Variants in MSN observed in about 807,000 individuals in gnomAD.
MSN encodes the protein moesin.
In MSN, 2 loss-of-function variants were observed where a neutral mutation model predicts 48.0. The ratio of observed to expected loss-of-function variants is 0.04; its 90% CI spans 0.02 to 0.13. The LOEUF (loss-of-function observed/expected upper bound fraction) is 0.13. Ranked by LOEUF, MSN falls within the 10% of genes least tolerant of loss-of-function variation. The pLI is 1.00. For missense variants in MSN, 267 were observed against 470.1 expected, an observed-to-expected ratio of 0.57 and a Z score of 3.99; for synonymous variants, 146 against 166.9, an observed-to-expected ratio of 0.87 and a Z score of 0.97.
chrX:65,600,214 T>C (rs753073212), intron 1 of MSN, among the ~76,000 whole-genome samples: 4 of 111,181 alleles, frequency 3.6e-5, no homozygotes, highest in Admixed American at 1.9e-4. Flanking sequence ...TAGCTTATGA[T>C]TGGAGTGTGT....
rs1177485885 is a variant in MSN, at chrX:65,739,104, C to T, written c.1479C>T (p.Asp493=). ...AGAATGGGGCAGAGGCTAGTGCTGACCTACGGGCTGATGCTATGGCCAAGG... is the reference window on the plus strand; with the variant it reads ...AGAATGGGGCAGAGGCTAGTGCTGATCTACGGGCTGATGCTATGGCCAAGG... The part of the protein sequence containing the change: ...QDENGAEASA[D]LRADAMAKDR... The change falls in exon 12 of 13, where the codon GAC becomes GAT. Residue 493 remains aspartate, a synonymous_variant. Transcript: ENST00000360270. The T allele has an allele frequency of 8.3e-7, 1 of 1,211,759 alleles. No homozygotes were observed. The highest frequency in any genetic ancestry group is 1.8e-5 in the South Asian group (1 of 56,918).
rs779992508 is a variant in MSN at position 65,677,919 on chromosome X, G to A, written c.12+10066G>A. Among the ~76,000 whole-genome samples the A allele has an allele frequency of 5.4e-5, 6 of 111,403 alleles. No homozygotes were observed. The South Asian group carries it at 2.3e-3, about 42-fold the overall frequency. The stretch of plus-strand genomic sequence containing the variant: ...GTTACACTACATCTTTCTACTTTGA[G>A]TGCTTGAAGAGTTGCTCCAGCAGGG... On this transcript the variant is annotated intron_variant, in intron 1 of 12. Coordinates refer to ENST00000360270, the MANE Select transcript of MSN (RefSeq NM_002444.3).
intron 10 of MSN, 81 bp from the exon 11 acceptor site, chrX:65,738,444 C>T: frequency 1.2e-6 from 1 of 854,208 alleles, no homozygotes; most frequent in Non-Finnish European, 1.7e-6. Flanking sequence ...CTTACTAGTC[C>T]CCCAGGGGAC....
chrX:65,681,409 G>A (rs1383285567), intron 1 of MSN, among the ~76,000 whole-genome samples: 1 of 111,867 alleles, frequency 8.9e-6, no homozygotes, highest in African/African-American at 3.3e-5. Context: ...CCTTTGAGGA[G>A]CATTTGGTCA....
At chrX:65,690,004 T>C (rs1212362155) in intron 1 of MSN, among the ~76,000 whole-genome samples, 1 of 111,694 alleles carries the variant, frequency 9.0e-6, no homozygotes, top group Non-Finnish European at 1.9e-5. Context: ...TGGAGCCATC[T>C]AGGCTCCCTG....
At chrX:65,731,272 C>A in intron 5 of MSN, 82 bp downstream of exon 5, 2 of 800,578 alleles carry the variant, frequency 2.5e-6, no homozygotes, top group Non-Finnish European at 1.8e-6. Context: ...AGACTGATGA[C>A]AAGGGACATT....
In MSN at chrX:65,699,399, C is replaced by T. The variant is rs540296488; in HGVS notation, c.13-17419C>T. On this transcript the variant is annotated intron_variant, in intron 1 of 12. Transcript: ENST00000360270. The stretch of plus-strand genomic sequence containing the variant: ...TATTCTCCTTTCCCAAAGACAGCCT[C>T]TTTTGTAGCATCCTAAGACAGACCT... Among the ~76,000 whole-genome samples, 3 of 111,839 alleles carry T rather than the reference C, an allele frequency of 2.7e-5. No individual in the cohort carries two copies. In the South Asian group the frequency reaches 1.1e-3, roughly 41 times the overall value.
At chrX:65,610,499 G>C (rs760669310) in intron 1 of MSN, among the ~76,000 whole-genome samples, 205 of 111,999 alleles carry the variant, frequency 1.8e-3, no homozygotes, top group African/African-American at 5.6e-3. Context: ...TTTATCCATT[G>C]ATCTGTTGAT....
intron 2 of MSN, among the ~76,000 whole-genome samples, chrX:65,717,445 A>G (rs888605379): frequency 1.8e-5 from 2 of 111,958 alleles, no homozygotes; most frequent in Non-Finnish European, 3.8e-5. Flanking sequence ...ATGGGAGTTG[A>G]TGGATGCAGT....
intron 3 of MSN, among the ~76,000 whole-genome samples, chrX:65,728,379 C>T (rs975734964): frequency 8.1e-5 from 9 of 111,321 alleles, no homozygotes; most frequent in South Asian, 3.8e-4. Context: ...CTGCAAGCTC[C>T]GCCTCCTGGG....
chrX:65,698,924 G>A (rs1255880939), intron 1 of MSN, among the ~76,000 whole-genome samples: 1 of 111,639 alleles, frequency 9.0e-6, no homozygotes, highest in Non-Finnish European at 1.9e-5. Context: ...AGCCCAGAAA[G>A]TCATATAAGT....
chrX:65,726,015 A>AT (rs1378882014), intron 2 of MSN, among the ~76,000 whole-genome samples: 1 of 111,973 alleles, frequency 8.9e-6, no homozygotes, highest in Non-Finnish European at 1.9e-5. Flanking sequence ...GGAGACAGAC[A>AT]TGAACATTTT....
rs2071701157 is a variant in MSN, at chrX:65,738,436, T to C, written c.1252-89T>C. ...CAAGCAAGTGGAGCAGTAGGTCCCTTACTAGTCCCCCAGGGGACTTGGGTT... is the reference window on the plus strand; with the variant it reads ...CAAGCAAGTGGAGCAGTAGGTCCCTCACTAGTCCCCCAGGGGACTTGGGTT... On this transcript the variant is annotated intron_variant, in intron 10 of 12. Coordinates refer to ENST00000360270, the MANE Select transcript of MSN (RefSeq NM_002444.3). The C allele has an allele frequency of 6.6e-6, 5 of 755,780 alleles. No individual in the cohort carries two copies. The East Asian group carries it at 1.7e-4, about 26-fold the overall frequency. The allele number at this position is 755,780 out of a possible 1,213,427, so 62.3% of individuals were successfully genotyped here.
At chrX:65,691,050 T>C (rs1459914932) in intron 1 of MSN, among the ~76,000 whole-genome samples, 2 of 111,200 alleles carry the variant, frequency 1.8e-5, no homozygotes, top group African/African-American at 6.6e-5. Flanking sequence ...TTGGGTTTCT[T>C]TTCTCTCGCC....
At position 65,731,859 on chromosome X, in the gene MSN, T is replaced by C; in HGVS notation, c.573T>C (p.Tyr191=). 1 of 1,210,093 alleles carries C rather than the reference T, an allele frequency of 8.3e-7. No homozygotes were observed. The highest frequency in any genetic ancestry group is 1.7e-5 in the African/African-American group (1 of 57,568). ...TTAGGGAGGATGCTGTCCTGGAATA[T>C]CTGAAGATTGCTCAAGATCTGGAGA... ...GMLREDAVLE[Y]LKIAQDLEMY... is the part of the protein sequence containing the mutation. The change falls in exon 6 of 13, where the codon TAT becomes TAC. Residue 191 remains tyrosine, a synonymous_variant. Transcript: ENST00000360270.
intron 1 of MSN, chrX:65,625,792 C>T (rs1280804546): frequency 9.3e-6 from 1 of 107,867 alleles, no homozygotes; most frequent in Non-Finnish European, 1.9e-5. Flanking sequence ...GAAGAACTTA[C>T]TTCTACCTTT....
At position 65,611,141 on chromosome X, in the gene MSN, C is replaced by T. The variant is rs191966265; in HGVS notation, c.-22+22529C>T. ...GTTAAATTATACAGTTTCTTCCATC[C>T]TTCCTTTCTTTCTTTCTTTCTTTCT... On this transcript the variant is annotated intron_variant, in intron 1 of 3. Coordinates refer to the MSN transcript ENST00000609672. Among the ~76,000 whole-genome samples, 598 of 98,131 alleles carry T rather than the reference C, an allele frequency of 6.1e-3. 4 individuals carry two copies. Among genetic ancestry groups the T allele is most frequent in the African/African-American group, 0.026 (516 of 19,708 alleles). The allele number at this position is 98,131 out of a possible 115,157, so 85.2% of individuals were successfully genotyped here. A position where few individuals can be genotyped will look rare whatever the true frequency, so the allele number is the denominator to read the frequency against.
chrX:65,648,868 TTAAAA>T (rs1187360767), intron 1 of MSN, among the ~76,000 whole-genome samples: 1 of 104,889 alleles, frequency 9.5e-6, no homozygotes, highest in Non-Finnish European at 2.0e-5. Flanking sequence ...ATCTCAAAGA[TTAAAA>T]TAAAATAAAA....
Position 65,667,873 on chromosome X carries a change from G to A in MSN, c.12+20G>A, listed in dbSNP as rs2070889941. ...AAAACGGTGAGTGCCGGAGGTGGGC[G>A]CTGTCGACCCCAATGGCTCTGGCTG... On this transcript the variant is annotated intron_variant, in intron 1 of 12. Transcript: ENST00000360270. The A allele has an allele frequency of 8.3e-7, 1 of 1,204,374 alleles. No homozygotes were observed. Among genetic ancestry groups the A allele is most frequent in the Non-Finnish European group, 1.1e-6 (1 of 890,076 alleles).
Sources: gnomAD v4.1 joint callset for allele counts (sites outside exome capture counted in the v4.1 genomes callset) on GRCh38, gnomAD v4.1.1 for gene constraint, MANE v1.5 for transcripts, NCBI Gene and HGNC (gene_info 2026-07-23, HGNC 2026-07-21) for gene names.